The following SLC39A11 variants were observed in gnomAD, a reference collection of about 807,000 sequenced individuals.
SLC39A11 encodes the protein zinc transporter ZIP11.
Under a neutral mutation model 36.1 loss-of-function variants are expected in SLC39A11, and 33 were observed. That is an observed-to-expected ratio of 0.91 (90% CI 0.69 to 1.22). SLC39A11 has a LOEUF of 1.22. SLC39A11 is among the 50% of genes most tolerant of loss of function. The pLI, the probability that SLC39A11 is intolerant of heterozygous loss-of-function variation, is 0.00. For missense variants in SLC39A11, 432 were observed against 430.3 expected, an observed-to-expected ratio of 1.00 and a Z score of -0.03; for synonymous variants, 166 against 170.3, an observed-to-expected ratio of 0.97 and a Z score of 0.20.
intron 6 of SLC39A11, among the ~76,000 whole-genome samples, chr17:72,844,857 C>T (rs974123465): frequency 1.3e-5 from 2 of 152,134 alleles, no homozygotes; most frequent in Non-Finnish European, 2.9e-5. Flanking sequence ...CCCCTAAAGC[C>T]CCTGGAGCTG....
At chr17:73,075,035 T>C (rs1312307419) in intron 3 of SLC39A11, among the ~76,000 whole-genome samples, 1 of 152,214 alleles carries the variant, frequency 6.6e-6, no homozygotes, top group Non-Finnish European at 1.5e-5. Flanking sequence ...AAAATTAAAA[T>C]GGTGATCCCC....
intron 6 of SLC39A11, among the ~76,000 whole-genome samples, chr17:72,829,714 T>C (rs2078189872): frequency 6.6e-6 from 1 of 152,168 alleles, no homozygotes; most frequent in Admixed American, 6.5e-5. Context: ...TCTTCTACTG[T>C]ATAAACCACC....
At chr17:72,983,545 T>C (rs551526001) in intron 4 of SLC39A11, among the ~76,000 whole-genome samples, 22 of 152,146 alleles carry the variant, frequency 1.4e-4, no homozygotes, top group African/African-American at 5.3e-4. Context: ...GAAATCAGGC[T>C]ATGGAACAGA....
intron 6 of SLC39A11, among the ~76,000 whole-genome samples, chr17:72,815,377 T>C (rs972249474): frequency 1.3e-5 from 2 of 152,180 alleles, no homozygotes; most frequent in Non-Finnish European, 2.9e-5. Flanking sequence ...CCCAGCACTT[T>C]GGGAGGCCAA....
intron 7 of SLC39A11, among the ~76,000 whole-genome samples, chr17:72,686,042 A>G (rs551975289): frequency 6.6e-6 from 1 of 151,998 alleles, no homozygotes; most frequent in Admixed American, 6.5e-5. Flanking sequence ...AAAAAAAAAA[A>G]AAATCTATTG....
chr17:72,831,294 C>G (rs556672066), intron 6 of SLC39A11, among the ~76,000 whole-genome samples: 1 of 152,248 alleles, frequency 6.6e-6, no homozygotes, highest in East Asian at 1.9e-4. Context: ...GAGTACAAGG[C>G]TCTGCAGCAG....
At chr17:72,674,612 A>G (rs1308864013) in intron 7 of SLC39A11, among the ~76,000 whole-genome samples, 1 of 152,178 alleles carries the variant, frequency 6.6e-6, no homozygotes, top group Non-Finnish European at 1.5e-5. Context: ...TTTATTAGAT[A>G]TTGCCAAATT....
At position 72,954,905 on chromosome 17, in the gene SLC39A11, C is replaced by T. The variant is rs967084109; in HGVS notation, c.307-7030G>A. On this transcript the variant is annotated intron_variant, in intron 4 of 9. Transcript: ENST00000255559. ...CTGCCTCGGGTGTCAGGCAGGTCACCGCTGTCTTCTTTGCCCTGGTTAACC... is the reference window on the plus strand; with the variant it reads ...CTGCCTCGGGTGTCAGGCAGGTCACTGCTGTCTTCTTTGCCCTGGTTAACC... 3.3e-5 allele frequency among the ~76,000 whole-genome samples: 5 copies of T among 152,150 alleles called. No individual in the cohort carries two copies. In the East Asian group the frequency reaches 5.8e-4, roughly 18 times the overall value.
chr17:72,764,324 C>T lies in SLC39A11; in HGVS notation c.602-27605G>A, dbSNP rs113199033. Among the ~76,000 whole-genome samples the T allele has an allele frequency of 2.0e-5, 3 of 152,192 alleles. 1 individual carries two copies. The highest frequency in any genetic ancestry group is 6.5e-5 in the Admixed American group (1 of 15,298). On this transcript the variant is annotated intron_variant, in intron 6 of 9. Transcript: ENST00000255559. ...GATTTCAAATCCTGGGCCTTCCTAG[C>T]GGTTCAGCTGTGGTGGGGACAAGGC...
intron 6 of SLC39A11, among the ~76,000 whole-genome samples, chr17:72,798,293 G>C (rs990462349): frequency 6.6e-6 from 1 of 152,072 alleles, no homozygotes; most frequent in African/African-American, 2.4e-5. Flanking sequence ...TCTGAGCTCA[G>C]TGTGCCAGCA....
chr17:73,048,610 C>A (rs1351456094), intron 3 of SLC39A11, among the ~76,000 whole-genome samples: 1 of 152,154 alleles, frequency 6.6e-6, no homozygotes. Flanking sequence ...GAGAAATTGC[C>A]AAACTGCTTT....
At chr17:72,846,286 T>G (rs2079052324) in intron 6 of SLC39A11, among the ~76,000 whole-genome samples, 1 of 152,150 alleles carries the variant, frequency 6.6e-6, no homozygotes, top group South Asian at 2.1e-4. Flanking sequence ...CACCTTGGCT[T>G]CCCAAAGTGC....
intron 7 of SLC39A11, among the ~76,000 whole-genome samples, chr17:72,691,053 C>A (rs1408591014): frequency 6.6e-6 from 1 of 152,208 alleles, no homozygotes; most frequent in Admixed American, 6.5e-5. Context: ...AAAGGCTTAG[C>A]TCAAAGGAAT....
At chr17:72,996,188 T>C (rs2089492738) in intron 4 of SLC39A11, among the ~76,000 whole-genome samples, 1 of 152,148 alleles carries the variant, frequency 6.6e-6, no homozygotes. Context: ...TTGTATAACA[T>C]GTCACGCCCC....
chr17:72,959,311 A>ATGTGTGTGTGTGTGTGTGTGTGTG (rs1214552224), intron 4 of SLC39A11, among the ~76,000 whole-genome samples: 7 of 92,580 alleles, frequency 7.6e-5, no homozygotes, highest in African/African-American at 2.9e-4. Flanking sequence ...TGGTGTATGT[A>ATGTGTGTGTGTGTGTGTGTGTGTG]TGTGTGTGTG....
intron 6 of SLC39A11, among the ~76,000 whole-genome samples, chr17:72,792,024 G>A (rs937683917): frequency 4.6e-5 from 7 of 152,152 alleles, no homozygotes; most frequent in Non-Finnish European, 8.8e-5. Flanking sequence ...GAAGAAAATC[G>A]AGGCACAGAG....
At chr17:72,719,294 T>C (rs2073548696) in intron 7 of SLC39A11, among the ~76,000 whole-genome samples, 1 of 152,096 alleles carries the variant, frequency 6.6e-6, no homozygotes, top group Non-Finnish European at 1.5e-5. Flanking sequence ...CCTCTGAGCA[T>C]TTCCCCTGCC....
At chr17:72,798,431 T>TTTTA (rs2076972351) in intron 6 of SLC39A11, among the ~76,000 whole-genome samples, 1 of 150,774 alleles carries the variant, frequency 6.6e-6, no homozygotes. Flanking sequence ...TTTTTTTTTT[T>TTTTA]GAGATGGAGC....
At chr17:72,725,306 C>T (rs2073880662) in intron 7 of SLC39A11, among the ~76,000 whole-genome samples, 1 of 152,050 alleles carries the variant, frequency 6.6e-6, no homozygotes, top group Non-Finnish European at 1.5e-5. Context: ...TTTAATTGGC[C>T]CATTTCACAT....
Sources: allele counts gnomAD v4.1 joint callset (sites outside exome capture counted in the v4.1 genomes callset), GRCh38; gene constraint gnomAD v4.1.1; transcripts MANE v1.5; gene names NCBI Gene and HGNC (gene_info 2026-07-23, HGNC 2026-07-21).